The following ATP6V0D1 variants were observed in gnomAD, a reference collection of about 807,000 sequenced individuals.
ATP6V0D1 encodes ATPase H+ transporting V0 subunit d1.
ATP6V0D1 carries 13 observed loss-of-function variants against 39.0 expected under a neutral mutation model. The ratio of observed to expected loss-of-function variants is 0.33; its 90% CI spans 0.22 to 0.53. The LOEUF is 0.53. Among genes scored for constraint, ATP6V0D1 ranks in the 20% least tolerant of loss-of-function variants. The pLI, the probability that ATP6V0D1 is intolerant of heterozygous loss-of-function variation, is 0.94. For missense variants in ATP6V0D1, 272 were observed against 470.9 expected (o/e 0.58, Z 3.91); for synonymous variants, 191 against 191.2 (o/e 1.00, Z 0.01).
At chr16:67,462,500 G>A (rs1349764095) in intron 1 of ATP6V0D1, among the ~76,000 whole-genome samples, 17 of 152,214 alleles carry the variant, frequency 1.1e-4, no homozygotes, top group Admixed American at 1.1e-3. Context: ...GTAGCCCAAG[G>A]AAGGCCAGTT....
Position 67,453,760 on chromosome 16 carries a change from C to T in ATP6V0D1, c.131-45G>A. 6.3e-7 allele frequency: 1 copy of T among 1,591,008 alleles called. No individual in the cohort carries two copies. Among genetic ancestry groups the T allele is most frequent in the Non-Finnish European group, 8.6e-7 (1 of 1,166,580 alleles). On this transcript the variant is annotated intron_variant, in intron 1 of 7. Coordinates refer to ENST00000290949, the MANE Select transcript of ATP6V0D1 (RefSeq NM_004691.5). The surrounding 1 kb of genome is among the most constrained non-coding windows in gnomAD (Gnocchi z 4.1). ...GGTAAGGGCTAGCCTTGCTGGGCCTCCCCAAGGGTCCCAAGTCCCCATCCC... is the reference window on the plus strand; with the variant it reads ...GGTAAGGGCTAGCCTTGCTGGGCCTTCCCAAGGGTCCCAAGTCCCCATCCC...
chr16:67,465,815 A>T (rs1242756957), intron 1 of ATP6V0D1, among the ~76,000 whole-genome samples: 2 of 152,180 alleles, frequency 1.3e-5, no homozygotes, highest in Admixed American at 1.3e-4. Context: ...CTCATCTGAG[A>T]AGGCCAACTG....
At chr16:67,464,573 A>G (rs1183763872) in intron 1 of ATP6V0D1, among the ~76,000 whole-genome samples, 2 of 152,224 alleles carry the variant, frequency 1.3e-5, no homozygotes, top group Non-Finnish European at 2.9e-5. Flanking sequence ...AGTGGCCTGG[A>G]TACCCATGGA....
chr16:67,453,785 C>T lies in ATP6V0D1; in HGVS notation c.131-70G>A, dbSNP rs576451680. 4.0e-5 allele frequency: 59 copies of T among 1,487,618 alleles called. No individual in the cohort carries two copies. The highest frequency in any genetic ancestry group is 5.4e-5 in the Non-Finnish European group (59 of 1,083,672). 92.2% of individuals were successfully genotyped at this position (1,487,618 alleles called of 1,614,324 possible). A position where few individuals can be genotyped will look rare whatever the true frequency, so the allele number is the denominator to read the frequency against. On this transcript the variant is annotated intron_variant, in intron 1 of 7. Coordinates refer to ENST00000290949, the MANE Select transcript of ATP6V0D1 (RefSeq NM_004691.5). This position sits in a 1 kb window ranked among gnomAD's most constrained non-coding sequence, Gnocchi z 4.1. Reference sequence around the variant, plus strand: ...CCCCAAGGGTCCCAAGTCCCCATCCCCACCCCAACTCAGCCCCAGCTCTCC... The same window carrying T: ...CCCCAAGGGTCCCAAGTCCCCATCCTCACCCCAACTCAGCCCCAGCTCTCC...
intron 2 of ATP6V0D1, among the ~76,000 whole-genome samples, chr16:67,449,864 G>A (rs931484958): frequency 1.5e-4 from 23 of 152,228 alleles, no homozygotes; most frequent in African/African-American, 5.5e-4. Context: ...CAGGACCTAC[G>A]AAAGCAGTGG....
intron 2 of ATP6V0D1, chr16:67,452,562 C>T (rs891543186): frequency 2.9e-6 from 2 of 700,082 alleles, no homozygotes; most frequent in African/African-American, 3.5e-5. Context: ...TTAGACAATA[C>T]CCAGAGAGCT....
intron 1 of ATP6V0D1, among the ~76,000 whole-genome samples, chr16:67,478,603 G>A (rs891963017): frequency 7.1e-6 from 1 of 140,230 alleles, no homozygotes; most frequent in Non-Finnish European, 1.5e-5. Context: ...GACAGGGCTA[G>A]ACTCTGTCTC....
intron 1 of ATP6V0D1, among the ~76,000 whole-genome samples, chr16:67,469,451 C>T (rs117713176): frequency 1.3e-5 from 2 of 152,198 alleles, no homozygotes; most frequent in Admixed American, 6.5e-5. Context: ...TAAGTGGTCA[C>T]CTGCTCACAG....
At chr16:67,466,104 C>A (rs542969974) in intron 1 of ATP6V0D1, among the ~76,000 whole-genome samples, 22 of 152,230 alleles carry the variant, frequency 1.4e-4, no homozygotes, top group African/African-American at 4.8e-4. Context: ...GCCTCAGACT[C>A]CTGGTCAGCA....
chr16:67,458,656 A>G (rs2041263233), intron 1 of ATP6V0D1, among the ~76,000 whole-genome samples: 1 of 152,172 alleles, frequency 6.6e-6, no homozygotes, highest in South Asian at 2.1e-4. Context: ...TCTCACAGTA[A>G]AAGACTTCCT....
At chr16:67,454,144 C>T (rs2142313942) in intron 1 of ATP6V0D1, among the ~76,000 whole-genome samples, 1 of 152,250 alleles carries the variant, frequency 6.6e-6, no homozygotes, top group Non-Finnish European at 1.5e-5. Flanking sequence ...CCCCGAGGCA[C>T]ATGAAATACA....
chr16:67,478,654 T>G (rs1158722061), intron 1 of ATP6V0D1, among the ~76,000 whole-genome samples: 3 of 127,050 alleles, frequency 2.4e-5, no homozygotes, highest in African/African-American at 3.0e-5. Context: ...GAAATGTGTG[T>G]GAATGAGCAA....
At chr16:67,473,577 G>A (rs937075030) in intron 1 of ATP6V0D1, among the ~76,000 whole-genome samples, 5 of 152,194 alleles carry the variant, frequency 3.3e-5, no homozygotes, top group African/African-American at 1.2e-4. Context: ...AGGCTGGAGT[G>A]CAGTGGTGCA....
At chr16:67,452,806 C>T (rs1224661278) in intron 2 of ATP6V0D1, among the ~76,000 whole-genome samples, 1 of 152,214 alleles carries the variant, frequency 6.6e-6, no homozygotes, top group East Asian at 1.9e-4. Context: ...TCCAGGTGCC[C>T]TCCCCGAGCC....
At chr16:67,479,915 C>G (rs1438818702) in intron 1 of ATP6V0D1, among the ~76,000 whole-genome samples, 2 of 138,914 alleles carry the variant, frequency 1.4e-5, no homozygotes, top group Non-Finnish European at 2.9e-5. Context: ...AAGTCAACGC[C>G]ACGGCCGGGC....
chr16:67,454,216 G>A (rs1597575622), intron 1 of ATP6V0D1, among the ~76,000 whole-genome samples: 1 of 152,202 alleles, frequency 6.6e-6, no homozygotes, highest in African/African-American at 2.4e-5. Context: ...CTGAGAAGAT[G>A]AGAAGGCCAC....
At position 67,453,403 on chromosome 16, in the gene ATP6V0D1, C is replaced by T; in HGVS notation, c.302+141G>A. On this transcript the variant is annotated intron_variant, in intron 2 of 7. Transcript: ENST00000290949. This position sits in a 1 kb window ranked among gnomAD's most constrained non-coding sequence, Gnocchi z 4.1. ...ACTCTGAAGGTAGGGTCCTGGGACACCTGGCCTGACAGAGCTGCCATCAGC... is the reference window on the plus strand; with the variant it reads ...ACTCTGAAGGTAGGGTCCTGGGACATCTGGCCTGACAGAGCTGCCATCAGC... 1.0e-6 allele frequency: 1 copy of T among 1,003,630 alleles called. No individual in the cohort carries two copies. Among genetic ancestry groups the T allele is most frequent in the Non-Finnish European group, 1.5e-6 (1 of 674,110 alleles). 62.2% of individuals were successfully genotyped at this position (1,003,630 alleles called of 1,614,324 possible).
At chr16:67,445,319 G>A (rs911304308) in intron 2 of ATP6V0D1, among the ~76,000 whole-genome samples, 1 of 152,216 alleles carries the variant, frequency 6.6e-6, no homozygotes, top group Admixed American at 6.5e-5. Flanking sequence ...TATGAGCAGG[G>A]TGTAAGCAGG....
intron 1 of ATP6V0D1, among the ~76,000 whole-genome samples, chr16:67,465,769 G>A (rs930990058): frequency 1.3e-5 from 2 of 152,184 alleles, no homozygotes; most frequent in African/African-American, 4.8e-5. Flanking sequence ...ATGGGTAGAG[G>A]TACACAGACA....
Sources: allele counts gnomAD v4.1 joint callset (sites outside exome capture counted in the v4.1 genomes callset), GRCh38; gene constraint gnomAD v4.1.1; non-coding constraint Gnocchi (gnomAD v3.1); transcripts MANE v1.5; gene names NCBI Gene and HGNC (gene_info 2026-07-23, HGNC 2026-07-21).